ZZZ3: variants seen among roughly 807,000 people sequenced by gnomAD.
ZZZ3 encodes zinc finger ZZ-type containing 3, also known as ZZ-type zinc finger-containing protein 3.
In ZZZ3, 22 loss-of-function variants were observed where a neutral mutation model predicts 95.2. The observed-to-expected ratio is 0.23, with a 90% CI of 0.17 to 0.33. The LOEUF (loss-of-function observed/expected upper bound fraction) is 0.33, where lower values mean the gene tolerates loss of function less well. ZZZ3 is among the 10% of genes least tolerant of loss of function. The pLI, the probability that ZZZ3 is intolerant of heterozygous loss-of-function variation, is 1.00. For missense variants in ZZZ3, 885 were observed against 1,066.5 expected (o/e 0.83, Z 2.37); for synonymous variants, 335 against 358.9 (o/e 0.93, Z 0.75).
chr1:77,602,790 G>A (rs1263484515), intron 5 of ZZZ3, among the ~76,000 whole-genome samples: 1 of 151,772 alleles, frequency 6.6e-6, no homozygotes. Flanking sequence ...ATTTTTAGTA[G>A]AGACGGGGTT....
Position 77,581,045 on chromosome 1 carries a change from C to A in ZZZ3, c.1933G>T (p.Asp645Tyr). ...TGGTTAAATGTTTCAGGTTTGGTAT[C>A]ATCACACAAGCGTCCTCTTATCATC... ...PQMIRGRLCD[D>Y]TKPETFNQLW... Residue 645 changes from aspartate (D) to tyrosine (Y), a missense_variant, in exon 9 of 15, where the codon GAT becomes TAT. Asp to Tyr is a radical substitution (Grantham distance 160). Coordinates refer to ENST00000370801, the MANE Select transcript of ZZZ3 (RefSeq NM_015534.6). The A allele has an allele frequency of 6.2e-7, 1 of 1,614,124 alleles. No homozygotes were observed. The highest frequency in any genetic ancestry group is 8.5e-7 in the Non-Finnish European group (1 of 1,179,992).
At chr1:77,664,958 T>C (rs1671124670) in intron 1 of ZZZ3, among the ~76,000 whole-genome samples, 2 of 152,166 alleles carry the variant, frequency 1.3e-5, no homozygotes, top group Non-Finnish European at 2.9e-5. Context: ...CCTTATGCTG[T>C]TTCTAGTCTT....
At chr1:77,671,567 C>T (rs183411088) in intron 1 of ZZZ3, among the ~76,000 whole-genome samples, 2 of 152,198 alleles carry the variant, frequency 1.3e-5, no homozygotes, top group Admixed American at 6.5e-5. Flanking sequence ...TGTGTGACAC[C>T]GAGCAAGATA....
intron 5 of ZZZ3, among the ~76,000 whole-genome samples, chr1:77,588,105 T>C (rs974347174): frequency 6.6e-6 from 1 of 152,208 alleles, no homozygotes; most frequent in Non-Finnish European, 1.5e-5. Flanking sequence ...TCAAAAGTTA[T>C]ACATGGATTT....
At chr1:77,584,489 T>G (rs1662876710) in intron 6 of ZZZ3, 28 bp downstream of exon 6, 1 of 1,579,012 alleles carries the variant, frequency 6.3e-7, no homozygotes, top group African/African-American at 1.4e-5. Flanking sequence ...TAGATCTTAG[T>G]AAATCTTAAA....
At chr1:77,572,806 A>AT (rs753092536) in intron 12 of ZZZ3, among the ~76,000 whole-genome samples, 5 of 149,074 alleles carry the variant, frequency 3.4e-5, no homozygotes, top group Non-Finnish European at 7.5e-5. Context: ...CAGGCTGATA[A>AT]TTTTTTCTTT....
intron 4 of ZZZ3, among the ~76,000 whole-genome samples, chr1:77,638,649 T>C (rs1437571405): frequency 1.3e-5 from 2 of 152,208 alleles, no homozygotes; most frequent in African/African-American, 4.8e-5. Flanking sequence ...TAGCTGATAT[T>C]TATTATCATA....
chr1:77,593,101 C>T (rs17100781), intron 5 of ZZZ3, among the ~76,000 whole-genome samples: 3,731 of 152,178 alleles, frequency 0.025, 121 homozygotes, highest in African/African-American at 0.086. Flanking sequence ...AACTTTGAAA[C>T]CAGCCCAGCC....
chr1:77,584,438 A>C, intron 6 of ZZZ3, 79 bp downstream of exon 6: 1 of 1,426,450 alleles, frequency 7.0e-7, no homozygotes, highest in Non-Finnish European at 9.4e-7. Context: ...GTATATACCC[A>C]TAAAAAAGAA....
chr1:77,662,534 A>T (rs1203383020), intron 1 of ZZZ3, among the ~76,000 whole-genome samples: 4 of 152,318 alleles, frequency 2.6e-5, no homozygotes, highest in African/African-American at 9.6e-5. Context: ...TAGTGACTAG[A>T]ATTGGAAGTA....
At chr1:77,650,491 T>C (rs1256686039) in intron 1 of ZZZ3, among the ~76,000 whole-genome samples, 4 of 151,846 alleles carry the variant, frequency 2.6e-5, no homozygotes, top group Non-Finnish European at 4.4e-5. Context: ...TGGAAATAAA[T>C]AACATGCTTC....
intron 5 of ZZZ3, among the ~76,000 whole-genome samples, chr1:77,631,327 T>C (rs1403817495): frequency 6.6e-6 from 1 of 152,210 alleles, no homozygotes; most frequent in Admixed American, 6.5e-5. Context: ...ATAGTGTTAA[T>C]AGTAATATCC....
chr1:77,600,644 G>C (rs552912290), intron 5 of ZZZ3, among the ~76,000 whole-genome samples: 49 of 152,218 alleles, frequency 3.2e-4, no homozygotes, highest in African/African-American at 1.1e-3. Context: ...GGTAGTAAAA[G>C]GGAAAGGGTT....
chr1:77,658,434 C>G lies in ZZZ3; in HGVS notation c.-402-16779G>C, dbSNP rs568460148. Among the ~76,000 whole-genome samples, 11 of 151,684 alleles carry G rather than the reference C, an allele frequency of 7.3e-5. No individual in the cohort carries two copies. In the South Asian group the frequency reaches 2.3e-3, roughly 32 times the overall value. On this transcript the variant is annotated intron_variant, in intron 1 of 14. Coordinates refer to ENST00000370801, the MANE Select transcript of ZZZ3 (RefSeq NM_015534.6). ...ACTGTTCACTGCAGCCTTGATCTCC[C>G]GGGCTCAAACGAACCTCCCAGCTTA...
At chr1:77,592,356 G>A (rs920607307) in intron 5 of ZZZ3, among the ~76,000 whole-genome samples, 7 of 152,212 alleles carry the variant, frequency 4.6e-5, no homozygotes, top group South Asian at 4.1e-4. Context: ...AGGATAGAGT[G>A]CAGTGGCGTG....
Position 77,632,368 on chromosome 1 carries a change from C to G in ZZZ3, c.987G>C (p.Glu329Asp), listed in dbSNP as rs532076116. ...DVVGDSSASK[E>D]QCKENTNNEL... ...CGTTATTGGTGTTTTCTTTACACTG[C>G]TCTTTTGAGGCACTGCTATCTCCCA... The change falls in exon 5 of 15, where the codon GAG becomes GAC. Residue 329 changes from glutamate to aspartate, a missense_variant. By Grantham distance (45) the Glu-to-Asp change is conservative. Transcript: ENST00000370801. The G allele has an allele frequency of 6.2e-7, 1 of 1,614,154 alleles. No homozygotes were observed. The highest frequency in any genetic ancestry group is 1.3e-5 in the African/African-American group (1 of 75,042).
chr1:77,671,743 G>A (rs1236635043), intron 1 of ZZZ3, among the ~76,000 whole-genome samples: 2 of 152,124 alleles, frequency 1.3e-5, no homozygotes, highest in Non-Finnish European at 2.9e-5. Flanking sequence ...TTCTATAAGA[G>A]TTTTTAAAAT....
Position 77,573,418 on chromosome 1 carries a change from G to A in ZZZ3, c.2331+2650C>T, listed in dbSNP as rs183864782. Among the ~76,000 whole-genome samples the A allele has an allele frequency of 3.6e-4, 55 of 152,184 alleles. 1 individual carries two copies. In the East Asian group the frequency reaches 6.0e-3, roughly 17 times the overall value. On this transcript the variant is annotated intron_variant, in intron 12 of 14. Coordinates refer to ENST00000370801, the MANE Select transcript of ZZZ3 (RefSeq NM_015534.6). ...ATTACAGGCGTGAGCCACAGTGCCC[G>A]GTCTGAAGTACTTTTTTAAATGTGT...
intron 5 of ZZZ3, among the ~76,000 whole-genome samples, chr1:77,597,480 G>A (rs943319553): frequency 6.6e-6 from 1 of 152,028 alleles, no homozygotes; most frequent in Admixed American, 6.6e-5. Context: ...GAGGAAAAAA[G>A]AATAATTACA....
Sources: allele counts gnomAD v4.1 joint callset (sites outside exome capture counted in the v4.1 genomes callset), GRCh38; gene constraint gnomAD v4.1.1; transcripts MANE v1.5; gene names NCBI Gene and HGNC (gene_info 2026-07-23, HGNC 2026-07-21).